MTUS2: variants seen among roughly 807,000 people sequenced by gnomAD.
MTUS2 encodes microtubule associated scaffold protein 2.
MTUS2 carries 40 observed loss-of-function variants against 114.1 expected under a neutral mutation model. The observed-to-expected ratio is 0.35, with a 90% confidence interval of 0.27 to 0.46. The LOEUF (loss-of-function observed/expected upper bound fraction) is 0.46. MTUS2 is among the 20% of genes least tolerant of loss of function. The pLI is 1.00. For synonymous variants in MTUS2, 688 were observed against 672.0 expected, an observed-to-expected ratio of 1.02 and a Z score of -0.37; for missense variants, 1,679 against 1,705.4, an observed-to-expected ratio of 0.98 and a Z score of 0.27.
intron 2 of MTUS2, among the ~76,000 whole-genome samples, chr13:28,973,009 A>G (rs1350990958): frequency 1.3e-5 from 2 of 152,166 alleles, no homozygotes; most frequent in Admixed American, 1.3e-4. Flanking sequence ...TATATATCAA[A>G]AAATATATAT....
At chr13:29,036,830 C>A in intron 4 of MTUS2, among the ~76,000 whole-genome samples, 1 of 28,032 alleles carries the variant, frequency 3.6e-5, no homozygotes, top group Admixed American at 5.8e-4. Context: ...GGATTGCAAC[C>A]CTTGTCTTTT....
Position 29,166,486 on chromosome 13 carries a change from C to T in MTUS2, c.2644+65516C>T, listed in dbSNP as rs548913518. Among the ~76,000 whole-genome samples, 60 of 152,284 alleles carry T rather than the reference C, an allele frequency of 3.9e-4. No individual in the cohort carries two copies. In the Middle Eastern group the frequency reaches 0.01, roughly 26 times the overall value. ...CTTGCTTCTGTGGATGGGTGTCAGC[C>T]CCAGACCCATTATCTGTCTCTGCCT... On this transcript the variant is annotated intron_variant, in intron 5 of 15. Coordinates refer to ENST00000612955, the MANE Select transcript of MTUS2 (RefSeq NM_001033602.4).
intron 2 of MTUS2, among the ~76,000 whole-genome samples, chr13:28,843,305 A>G (rs532492568): frequency 3.6e-4 from 55 of 152,258 alleles, no homozygotes; most frequent in Middle Eastern, 3.4e-3. Flanking sequence ...TATCTATATC[A>G]TTGAAATATC....
chr13:28,893,725 G>A (rs1367112113), intron 2 of MTUS2, among the ~76,000 whole-genome samples: 3 of 152,178 alleles, frequency 2.0e-5, no homozygotes, highest in Non-Finnish European at 2.9e-5. Flanking sequence ...TACCCTCCAC[G>A]TGGTTTTTAA....
At chr13:28,986,334 G>A (rs937909644) in intron 2 of MTUS2, among the ~76,000 whole-genome samples, 1 of 152,154 alleles carries the variant, frequency 6.6e-6, no homozygotes, top group Non-Finnish European at 1.5e-5. Flanking sequence ...ACAGACACAG[G>A]ATGTAAGAAC....
chr13:29,437,467 C>T (rs1877496576), intron 8 of MTUS2, among the ~76,000 whole-genome samples: 1 of 152,142 alleles, frequency 6.6e-6, no homozygotes, highest in Admixed American at 6.5e-5. Context: ...CTCCAAAATA[C>T]CAAATTTGCT....
intron 2 of MTUS2, among the ~76,000 whole-genome samples, chr13:28,910,208 C>G (rs868289441): frequency 5.8e-4 from 88 of 152,282 alleles, no homozygotes; most frequent in African/African-American, 2.1e-3. Context: ...TGGTAACCAT[C>G]TTTCTACTCT....
intron 8 of MTUS2, among the ~76,000 whole-genome samples, chr13:29,376,906 C>T (rs866709783): frequency 3.3e-5 from 5 of 151,884 alleles, no homozygotes; most frequent in Admixed American, 6.6e-5. Context: ...TAATGATATA[C>T]GTAAGTTCAA....
At chr13:28,914,388 CA>C (rs1453320037) in intron 2 of MTUS2, among the ~76,000 whole-genome samples, 3 of 151,960 alleles carry the variant, frequency 2.0e-5, no homozygotes, top group African/African-American at 7.2e-5. Flanking sequence ...GTTTATTTTC[CA>C]TGTAGTTTTG....
chr13:29,485,399 C>G (rs1881534398), intron 10 of MTUS2: 2 of 152,566 alleles, frequency 1.3e-5, no homozygotes, highest in African/African-American at 4.8e-5. Context: ...CAGCTCCTTC[C>G]TCTTTGAGAT....
chr13:29,395,446 AC>A (rs1385958438), intron 8 of MTUS2, among the ~76,000 whole-genome samples: 1 of 152,106 alleles, frequency 6.6e-6, no homozygotes, highest in Non-Finnish European at 1.5e-5. Flanking sequence ...GGAATCAGAG[AC>A]GTCTCCTTGA....
Position 29,471,325 on chromosome 13 carries a change from A to T in MTUS2, c.3185-8825A>T, listed in dbSNP as rs1880276280. Among the ~76,000 whole-genome samples the T allele has an allele frequency of 2.0e-5, 3 of 152,158 alleles. No individual in the cohort carries two copies. The South Asian group carries it at 6.2e-4, about 32-fold the overall frequency. On this transcript the variant is annotated intron_variant, in intron 9 of 15. Transcript: ENST00000612955. ...ATCACTGCACTCCAGCAACAGAGCG[A>T]GACTCCATCTCAAAAATAATAATAA...
At chr13:29,030,816 G>A (rs1886781476) in intron 3 of MTUS2, among the ~76,000 whole-genome samples, 1 of 152,226 alleles carries the variant, frequency 6.6e-6, no homozygotes, top group South Asian at 2.1e-4. Flanking sequence ...GATCCCTGCT[G>A]GTTACATAGC....
intron 9 of MTUS2, among the ~76,000 whole-genome samples, chr13:29,450,784 G>A (rs1022049804): frequency 1.3e-5 from 2 of 152,116 alleles, no homozygotes; most frequent in Non-Finnish European, 2.9e-5. Context: ...AAGAAAATTG[G>A]AATGTCTATA....
At chr13:29,089,443 A>G (rs1021076059) in intron 4 of MTUS2, among the ~76,000 whole-genome samples, 1 of 152,096 alleles carries the variant, frequency 6.6e-6, no homozygotes, top group East Asian at 1.9e-4. Context: ...GAGAAAGGTC[A>G]TATTGTCTAG....
intron 2 of MTUS2, among the ~76,000 whole-genome samples, chr13:28,918,924 T>A (rs1880893244): frequency 6.6e-6 from 1 of 152,130 alleles, no homozygotes; most frequent in Non-Finnish European, 1.5e-5. Flanking sequence ...TAACACTGAT[T>A]GCATAAACAA....
intron 8 of MTUS2, among the ~76,000 whole-genome samples, chr13:29,388,793 A>G (rs532120000): frequency 1.2e-3 from 182 of 152,226 alleles, no homozygotes; most frequent in Non-Finnish European, 2.1e-3. Flanking sequence ...AGTGACTTAT[A>G]TTGGATTATC....
chr13:28,852,804 G>A (rs1280985449), intron 2 of MTUS2, among the ~76,000 whole-genome samples: 6 of 151,952 alleles, frequency 3.9e-5, no homozygotes, highest in African/African-American at 1.5e-4. Context: ...TGCAGATCAC[G>A]CCACTGCACT....
chr13:29,034,512 A>G (rs1366206447), intron 4 of MTUS2, among the ~76,000 whole-genome samples: 1 of 152,212 alleles, frequency 6.6e-6, no homozygotes, highest in Non-Finnish European at 1.5e-5. Context: ...AGACAGAGAG[A>G]AGGTAGAGCC....
Sources: allele counts gnomAD v4.1 joint callset (sites outside exome capture counted in the v4.1 genomes callset), GRCh38; gene constraint gnomAD v4.1.1; transcripts MANE v1.5; gene names NCBI Gene and HGNC (gene_info 2026-07-23, HGNC 2026-07-21).